Variants in CA10 observed in about 807,000 individuals in gnomAD.
The protein encoded by CA10 is carbonic anhydrase-related protein 10.
In CA10, 14 loss-of-function variants were observed where a neutral mutation model predicts 44.2. The ratio of observed to expected loss-of-function variants is 0.32; its 90% confidence interval spans 0.21 to 0.50. CA10 has a LOEUF of 0.50. Ranked by LOEUF, CA10 falls within the 20% of genes least tolerant of loss-of-function variation. The pLI is 0.99. For synonymous variants in CA10, 159 were observed against 141.6 expected (o/e 1.12, Z -0.87); for missense variants, 350 against 409.7 (o/e 0.85, Z 1.26).
chr17:51,943,948 C>CT (rs1407510135), intron 2 of CA10, among the ~76,000 whole-genome samples: 2 of 152,114 alleles, frequency 1.3e-5, no homozygotes, highest in Non-Finnish European at 2.9e-5. Flanking sequence ...TGCCCTGCCC[C>CT]TTGAGAGAGT....
At chr17:52,031,823 GA>G (rs924013123) in intron 2 of CA10, among the ~76,000 whole-genome samples, 33 of 152,044 alleles carry the variant, frequency 2.2e-4, no homozygotes, top group African/African-American at 7.7e-4. Context: ...ATCAAATGAT[GA>G]AAAAAAGATA....
At chr17:51,741,482 C>G (rs900139703) in intron 4 of CA10, among the ~76,000 whole-genome samples, 17 of 152,194 alleles carry the variant, frequency 1.1e-4, no homozygotes, top group African/African-American at 3.9e-4. Context: ...CATATAAACA[C>G]TCCATCTTCA....
intron 1 of CA10, among the ~76,000 whole-genome samples, chr17:52,110,953 A>G (rs1988777139): frequency 6.6e-6 from 1 of 152,208 alleles, no homozygotes; most frequent in Non-Finnish European, 1.5e-5. Context: ...CCACTACACT[A>G]TTATTATATT....
At chr17:51,760,846 T>C (rs1045474457) in intron 3 of CA10, among the ~76,000 whole-genome samples, 3 of 152,236 alleles carry the variant, frequency 2.0e-5, no homozygotes, top group South Asian at 2.1e-4. Flanking sequence ...TAGGAGTTTA[T>C]TTCATGTAAC....
intron 1 of CA10, among the ~76,000 whole-genome samples, chr17:52,118,587 T>G (rs964738201): frequency 6.6e-6 from 1 of 152,158 alleles, no homozygotes; most frequent in East Asian, 1.9e-4. Flanking sequence ...CAGGATTATT[T>G]GACATGTTGA....
chr17:52,056,797 A>C (rs912747805), intron 2 of CA10, among the ~76,000 whole-genome samples: 1 of 152,114 alleles, frequency 6.6e-6, no homozygotes, highest in African/African-American at 2.4e-5. Flanking sequence ...TCAACAGATA[A>C]CTAAACTGCT....
At chr17:51,721,377 G>A (rs1165383073) in intron 4 of CA10, among the ~76,000 whole-genome samples, 7 of 151,936 alleles carry the variant, frequency 4.6e-5, no homozygotes, top group African/African-American at 9.7e-5. Context: ...ACAGAATCTC[G>A]TTCTGTCACT....
intron 3 of CA10, among the ~76,000 whole-genome samples, chr17:51,893,730 A>G (rs1042171456): frequency 6.6e-6 from 1 of 152,210 alleles, no homozygotes; most frequent in Admixed American, 6.5e-5. Context: ...TCCAGTGAAT[A>G]ACATAGCCCA....
intron 3 of CA10, among the ~76,000 whole-genome samples, chr17:51,915,391 G>T (rs535881944): frequency 6.6e-6 from 1 of 152,216 alleles, no homozygotes; most frequent in Admixed American, 6.5e-5. Flanking sequence ...CTTCCCTTTG[G>T]TTAATAGATT....
At chr17:52,149,222 A>G (rs1989652497) in intron 1 of CA10, among the ~76,000 whole-genome samples, 1 of 152,252 alleles carries the variant, frequency 6.6e-6, no homozygotes, top group Admixed American at 6.5e-5. Context: ...CCTGAAAGTC[A>G]CAGGCCTCAT....
intron 1 of CA10, among the ~76,000 whole-genome samples, chr17:52,074,348 T>C (rs1178251237): frequency 1.3e-5 from 2 of 152,148 alleles, no homozygotes; most frequent in African/African-American, 2.4e-5. Flanking sequence ...GTTTCTAAGA[T>C]CTTAAAAGCA....
intron 4 of CA10, among the ~76,000 whole-genome samples, chr17:51,719,466 C>G (rs998277626): frequency 1.3e-5 from 2 of 152,158 alleles, no homozygotes; most frequent in African/African-American, 4.8e-5. Flanking sequence ...TGGGACACAG[C>G]AGGTCTCAGA....
intron 2 of CA10, among the ~76,000 whole-genome samples, chr17:51,935,424 G>A (rs991545432): frequency 1.3e-5 from 2 of 152,096 alleles, no homozygotes; most frequent in African/African-American, 4.8e-5. Context: ...CTAATTAATG[G>A]ACAACCAGTC....
In CA10 at chr17:51,917,027, T is replaced by A. The variant is rs531846462; in HGVS notation, c.279+13963A>T. Among the ~76,000 whole-genome samples the A allele has an allele frequency of 3.5e-4, 53 of 152,336 alleles. 1 individual carries two copies. In the East Asian group the frequency reaches 8.3e-3, roughly 24 times the overall value. On this transcript the variant is annotated intron_variant, in intron 3 of 8. Transcript: ENST00000451037. ...AGACATGTCCCCCAGTTTCTATTAA[T>A]TTTGACTGCAATCAACTCACCTTTC... is the stretch of plus-strand genomic sequence containing the variant.
At chr17:52,034,283 T>C (rs1986553237) in intron 2 of CA10, among the ~76,000 whole-genome samples, 1 of 152,182 alleles carries the variant, frequency 6.6e-6, no homozygotes, top group Non-Finnish European at 1.5e-5. Context: ...TGGTGATGGT[T>C]TCATGAGTGT....
At chr17:51,706,182 A>C (rs1368472330) in intron 4 of CA10, among the ~76,000 whole-genome samples, 1 of 152,150 alleles carries the variant, frequency 6.6e-6, no homozygotes, top group Non-Finnish European at 1.5e-5. Context: ...GGAGGATGTA[A>C]GCTCATGCTT....
chr17:51,810,750 G>A, intron 3 of CA10, among the ~76,000 whole-genome samples: 1 of 152,340 alleles, frequency 6.6e-6, no homozygotes, highest in African/African-American at 2.4e-5. Context: ...TTGGGGATGA[G>A]GTTCCCTGTT....
chr17:52,006,527 C>G (rs1307369052), intron 2 of CA10, among the ~76,000 whole-genome samples: 1 of 151,738 alleles, frequency 6.6e-6, no homozygotes, highest in Non-Finnish European at 1.5e-5. Context: ...TTTTTTCCCT[C>G]TTTCCCTAGA....
intron 4 of CA10, among the ~76,000 whole-genome samples, chr17:51,668,947 C>T (rs1445678671): frequency 6.6e-6 from 1 of 152,222 alleles, no homozygotes; most frequent in African/African-American, 2.4e-5. Context: ...CCAGGTCCCC[C>T]AGCACTGCTG....
Sources: gnomAD v4.1 joint callset for allele counts (sites outside exome capture counted in the v4.1 genomes callset) on GRCh38, gnomAD v4.1.1 for gene constraint, MANE v1.5 for transcripts, NCBI Gene and HGNC (gene_info 2026-07-23, HGNC 2026-07-21) for gene names.